NAP1L1: variants seen among roughly 807,000 people sequenced by gnomAD.
The protein encoded by NAP1L1 is nucleosome assembly protein 1-like 1.
In NAP1L1, 9 loss-of-function variants were observed where a neutral mutation model predicts 58.9. The observed-to-expected ratio is 0.15, with a 90% CI of 0.09 to 0.27. NAP1L1 has a LOEUF of 0.27. Among genes scored for constraint, NAP1L1 ranks in the 10% least tolerant of loss-of-function variants. The pLI, the probability that NAP1L1 is intolerant of heterozygous loss-of-function variation, is 1.00. For synonymous variants in NAP1L1, 130 were observed against 138.3 expected (o/e 0.94, Z 0.42); for missense variants, 302 against 458.8 (o/e 0.66, Z 3.12).
chr12:76,069,770 C>T (rs915753603), intron 2 of NAP1L1, among the ~76,000 whole-genome samples: 1 of 151,872 alleles, frequency 6.6e-6, no homozygotes, highest in Non-Finnish European at 1.5e-5. Flanking sequence ...GATGATAGCA[C>T]CATTCAAAGA....
chr12:76,071,574 C>A (rs1373221508), intron 2 of NAP1L1, among the ~76,000 whole-genome samples: 1 of 152,104 alleles, frequency 6.6e-6, no homozygotes, highest in Non-Finnish European at 1.5e-5. Flanking sequence ...ATTGAGAGAA[C>A]TGAAATCTAA....
chr12:76,071,083 T>G (rs1404194907), intron 2 of NAP1L1, among the ~76,000 whole-genome samples: 6 of 152,200 alleles, frequency 3.9e-5, no homozygotes, highest in Admixed American at 2.6e-4. Context: ...TATTTTATTG[T>G]TTTTTACCCT....
rs1276524142 is a variant in NAP1L1, at chr12:76,048,410, A to G, written c.*19T>C. The stretch of plus-strand genomic sequence containing the variant: ...GCTATTACAGTGCAGGTTATCCTCA[A>G]GGCCACATACATCCTGCTTCACTGC... On this transcript the variant is annotated 3_prime_UTR_variant, in exon 15 of 15. Coordinates refer to ENST00000618691, the MANE Select transcript of NAP1L1 (RefSeq NM_004537.7). The G allele has an allele frequency of 6.2e-7, 1 of 1,612,878 alleles. No individual in the cohort carries two copies. Among genetic ancestry groups the G allele is most frequent in the African/African-American group, 1.3e-5 (1 of 74,882 alleles).
rs75790805 is a variant in NAP1L1 at position 76,055,003 on chromosome 12, T to C, written c.630+16A>G. On this transcript the variant is annotated intron_variant, in intron 8 of 14. Transcript: ENST00000618691. ...AAGCATGTTACAAAATTATAAATAT[T>C]TCAAAGTTCTTTTACCATAGGCTGG... The C allele has an allele frequency of 3.4e-3, 5,280 of 1,572,136 alleles. 188 individuals carry two copies. In the African/African-American group the frequency reaches 0.064, roughly 19 times the overall value.
At chr12:76,059,252 A>C (rs1279223515) in intron 6 of NAP1L1, among the ~76,000 whole-genome samples, 1 of 152,248 alleles carries the variant, frequency 6.6e-6, no homozygotes, top group Non-Finnish European at 1.5e-5. Flanking sequence ...ATTATTTGGA[A>C]ACATGTTTGG....
intron 3 of NAP1L1, 127 bp downstream of exon 3, chr12:76,068,775 CACACTAG>C: frequency 3.1e-6 from 2 of 637,650 alleles, no homozygotes; most frequent in Non-Finnish European, 5.6e-6. Flanking sequence ...CACACACACA[CACACTAG>C]AAGTATGGAC....
chr12:76,068,546 C>T (rs1191840515), intron 3 of NAP1L1: 1 of 159,758 alleles, frequency 6.3e-6, no homozygotes, highest in Admixed American at 6.5e-5. Context: ...AAGACACACA[C>T]TACATGTTCT....
At chr12:76,048,641 C>T (rs1460842069) in intron 14 of NAP1L1, among the ~76,000 whole-genome samples, 177 bp from the exon 15 acceptor site, 3 of 152,028 alleles carry the variant, frequency 2.0e-5, no homozygotes, top group Non-Finnish European at 4.4e-5. Context: ...TAAAATCAAG[C>T]TCAAACTTTA....
At chr12:76,081,331 TAC>T (rs1046669101) in intron 1 of NAP1L1, among the ~76,000 whole-genome samples, 1 of 152,222 alleles carries the variant, frequency 6.6e-6, no homozygotes, top group Admixed American at 6.5e-5. Flanking sequence ...GAGCTAATAA[TAC>T]ACACAGAATT....
chr12:76,079,373 T>G (rs1950314151), intron 1 of NAP1L1, among the ~76,000 whole-genome samples: 1 of 152,050 alleles, frequency 6.6e-6, no homozygotes, highest in Non-Finnish European at 1.5e-5. Context: ...TTAACATGCC[T>G]GCTGTAGTCC....
At chr12:76,060,742 T>A (rs1477768700) in intron 4 of NAP1L1, among the ~76,000 whole-genome samples, 1 of 152,198 alleles carries the variant, frequency 6.6e-6, no homozygotes, top group Non-Finnish European at 1.5e-5. Context: ...GAATTAGTAA[T>A]TACATTATTA....
In NAP1L1 at chr12:76,041,569, A is replaced by T. The variant is rs923245878; in HGVS notation, c.*6860T>A. The T allele has an allele frequency of 1.3e-5, 2 of 152,216 alleles. No individual in the cohort carries two copies. The highest frequency in any genetic ancestry group is 4.8e-5 in the African/African-American group (2 of 41,456). The allele number at this position is 152,216 out of a possible 1,614,324, so 9.4% of individuals were successfully genotyped here. On this transcript the variant is annotated 3_prime_UTR_variant, in exon 15 of 15. Coordinates refer to ENST00000618691, the MANE Select transcript of NAP1L1 (RefSeq NM_004537.7). ...ACCAAGCCAAATGAATAGCAAAGAC[A>T]ACAGTTCCAGCCTCCAGTTTTGAAA...
At position 76,037,351 on chromosome 12, in the gene NAP1L1, C is replaced by T. The variant is rs1182202875; in HGVS notation, c.*11078G>A. ...CAAGTGCTTTATAATGAGTGCTTAG[C>T]GCTTTTTTTTAACTGTAGTACAAAC... On this transcript the variant is annotated 3_prime_UTR_variant, in exon 15 of 15. Coordinates refer to ENST00000618691, the MANE Select transcript of NAP1L1 (RefSeq NM_004537.7). 1 of 152,274 alleles carries T rather than the reference C, an allele frequency of 6.6e-6. No individual in the cohort carries two copies. Among genetic ancestry groups the T allele is most frequent in the Non-Finnish European group, 1.5e-5 (1 of 68,054 alleles). The allele number at this position is 152,274 out of a possible 1,614,324, so 9.4% of individuals were successfully genotyped here. A position where few individuals can be genotyped will look rare whatever the true frequency, so the allele number is the denominator to read the frequency against.
At chr12:76,077,563 C>T (rs891643299) in intron 1 of NAP1L1, among the ~76,000 whole-genome samples, 1 of 152,146 alleles carries the variant, frequency 6.6e-6, no homozygotes, top group African/African-American at 2.4e-5. Context: ...TAATATTTTA[C>T]TGCAGTTGAC....
At chr12:76,053,738 A>T in intron 9 of NAP1L1, 32 bp downstream of exon 9, 1 of 1,594,352 alleles carries the variant, frequency 6.3e-7, no homozygotes, top group Non-Finnish European at 8.5e-7. Context: ...AACAGAAAAA[A>T]CATTTTGTTA....
chr12:76,057,107 C>A (rs1443676812), intron 6 of NAP1L1: 1 of 186,074 alleles, frequency 5.4e-6, no homozygotes, highest in Non-Finnish European at 1.1e-5. Context: ...CTAAGACCAG[C>A]CTAGGCAAGA....
intron 7 of NAP1L1, among the ~76,000 whole-genome samples, chr12:76,055,301 C>T (rs571961171): frequency 6.6e-6 from 1 of 152,162 alleles, no homozygotes; most frequent in Admixed American, 6.5e-5. Flanking sequence ...AAAAAGTGTC[C>T]AAATAGACAA....
At chr12:76,082,614 C>T (rs1950452844) in intron 1 of NAP1L1, among the ~76,000 whole-genome samples, 1 of 152,140 alleles carries the variant, frequency 6.6e-6, no homozygotes, top group Non-Finnish European at 1.5e-5. Context: ...GGTTTAGTTC[C>T]ATACATTCTC....
intron 1 of NAP1L1, among the ~76,000 whole-genome samples, chr12:76,082,391 G>A (rs1040566098): frequency 2.1e-4 from 32 of 152,282 alleles, no homozygotes; most frequent in African/African-American, 7.7e-4. Context: ...AAGGCCAAGT[G>A]CAGTAATTTA....
Sources: allele counts gnomAD v4.1 joint callset (sites outside exome capture counted in the v4.1 genomes callset), GRCh38; gene constraint gnomAD v4.1.1; transcripts MANE v1.5; gene names NCBI Gene and HGNC (gene_info 2026-07-23, HGNC 2026-07-21).